The following LRRC20 variants were observed in gnomAD, a reference collection of about 807,000 sequenced individuals.
LRRC20 encodes the protein leucine rich repeat containing 20, also known as leucine-rich repeat-containing protein 20.
In LRRC20, 11 loss-of-function variants were observed where a neutral mutation model predicts 14.4. That is an observed-to-expected ratio of 0.77 (90% CI 0.48 to 1.27). LRRC20 has a LOEUF of 1.27. Among genes scored for constraint, LRRC20 ranks in the 50% most tolerant of loss-of-function variants. The pLI, the probability that LRRC20 is intolerant of heterozygous loss-of-function variation, is 0.00. For missense variants in LRRC20, 219 were observed against 251.2 expected (o/e 0.87, Z 0.87); for synonymous variants, 121 against 107.3 (o/e 1.13, Z -0.79).
chr10:70,336,068 T>C (rs971902291), intron 3 of LRRC20, among the ~76,000 whole-genome samples: 1 of 152,108 alleles, frequency 6.6e-6, no homozygotes, highest in Non-Finnish European at 1.5e-5. Context: ...CCACGTCCAG[T>C]TCTCAGTTTT....
chr10:70,301,086 G>A lies in LRRC20; in HGVS notation c.*268C>T, dbSNP rs907452729. 7.9e-7 allele frequency: 1 copy of A among 1,262,782 alleles called. No homozygotes were observed. Among genetic ancestry groups the A allele is most frequent in the African/African-American group, 1.5e-5 (1 of 65,182 alleles). The allele number at this position is 1,262,782 out of a possible 1,614,324, so 78.2% of individuals were successfully genotyped here. A position where few individuals can be genotyped will look rare whatever the true frequency, so the allele number is the denominator to read the frequency against. ...TGTTTTTTTCAAGTGACAAGGCTCA[G>A]AGAGGGCAGGAGATCTGCCTGAGTT... On this transcript the variant is annotated 3_prime_UTR_variant, in exon 5 of 5. Transcript: ENST00000446961.
chr10:70,302,486 G>C (rs1267422738), intron 4 of LRRC20, among the ~76,000 whole-genome samples: 1 of 152,204 alleles, frequency 6.6e-6, no homozygotes, highest in East Asian at 1.9e-4. Flanking sequence ...TTGCTTAATA[G>C]CTACAGTTTC....
chr10:70,366,069 CAA>C (rs67374739), intron 2 of LRRC20, among the ~76,000 whole-genome samples: 10,531 of 128,720 alleles, frequency 0.082, 499 homozygotes, highest in Middle Eastern at 0.21. Context: ...GACTCCAGCT[CAA>C]AAAAAAAAAA....
intron 2 of LRRC20, among the ~76,000 whole-genome samples, chr10:70,370,245 G>C (rs75626593): frequency 0.037 from 5,572 of 152,218 alleles, 157 homozygotes; most frequent in East Asian, 0.053. Flanking sequence ...AACAGAAGAC[G>C]TGCTTCTAGG....
In LRRC20 at chr10:70,300,412, G is replaced by A. The variant is rs1841126266; in HGVS notation, c.*942C>T. 4.1e-6 allele frequency: 4 copies of A among 985,416 alleles called. No individual in the cohort carries two copies. The highest frequency in any genetic ancestry group is 4.8e-6 in the Non-Finnish European group (4 of 830,032). 61.0% of individuals were successfully genotyped at this position (985,416 alleles called of 1,614,324 possible). The stretch of plus-strand genomic sequence containing the variant: ...CCAGGTCATCAGGGCTTTGGGCGTT[G>A]GCCTGGGAGCTGGCTGGCTACAAAT... On this transcript the variant is annotated 3_prime_UTR_variant, in exon 5 of 5. Coordinates refer to ENST00000446961, the MANE Select transcript of LRRC20 (RefSeq NM_001278212.2).
chr10:70,365,353 C>G (rs572008159), intron 2 of LRRC20, among the ~76,000 whole-genome samples: 2 of 152,134 alleles, frequency 1.3e-5, no homozygotes, highest in Non-Finnish European at 2.9e-5. Flanking sequence ...CCACCGCGCC[C>G]GGCGAGATTC....
At chr10:70,308,348 C>A (rs1299216531) in intron 4 of LRRC20, among the ~76,000 whole-genome samples, 1 of 152,108 alleles carries the variant, frequency 6.6e-6, no homozygotes, top group South Asian at 2.1e-4. Context: ...AGGCTGACAC[C>A]GAGACGGAGA....
intron 3 of LRRC20, among the ~76,000 whole-genome samples, chr10:70,338,685 T>C (rs57825727): frequency 3.3e-5 from 5 of 152,264 alleles, no homozygotes; most frequent in African/African-American, 7.2e-5. Context: ...TTTTGAGACA[T>C]AGTCTTGCTC....
intron 1 of LRRC20, among the ~76,000 whole-genome samples, chr10:70,378,900 C>T (rs1218334374): frequency 6.6e-6 from 1 of 151,494 alleles, no homozygotes; most frequent in African/African-American, 2.4e-5. Context: ...GAGCCGAGAT[C>T]GTCCCATTGC....
intron 4 of LRRC20, among the ~76,000 whole-genome samples, chr10:70,318,362 A>G (rs538244750): frequency 6.6e-6 from 1 of 152,320 alleles, no homozygotes; most frequent in Non-Finnish European, 1.5e-5. Context: ...CCACACTTTG[A>G]GAAATATCGG....
chr10:70,315,262 C>T (rs1841812305), intron 4 of LRRC20, among the ~76,000 whole-genome samples: 1 of 152,148 alleles, frequency 6.6e-6, no homozygotes, highest in South Asian at 2.1e-4. Context: ...TGCAGCTCAG[C>T]TCCAGCACAA....
chr10:70,356,167 C>G (rs1843509125), intron 2 of LRRC20, among the ~76,000 whole-genome samples: 1 of 152,230 alleles, frequency 6.6e-6, no homozygotes, highest in African/African-American at 2.4e-5. Context: ...AGTTACTTAA[C>G]TCCAATCTCA....
chr10:70,350,806 A>C, intron 2 of LRRC20, among the ~76,000 whole-genome samples: 1 of 151,976 alleles, frequency 6.6e-6, no homozygotes, highest in East Asian at 1.9e-4. Context: ...AGTGTGACCC[A>C]CTCCCACTGA....
intron 4 of LRRC20, among the ~76,000 whole-genome samples, chr10:70,312,760 G>A (rs565113259): frequency 6.6e-6 from 1 of 152,162 alleles, no homozygotes; most frequent in Non-Finnish European, 1.5e-5. Flanking sequence ...CTTTAAGACC[G>A]TCCTTCCACC....
intron 2 of LRRC20, among the ~76,000 whole-genome samples, chr10:70,359,124 A>G (rs1843628886): frequency 6.6e-6 from 1 of 152,156 alleles, no homozygotes; most frequent in Non-Finnish European, 1.5e-5. Flanking sequence ...TAGCTCTGTG[A>G]TCCTGGAATC....
chr10:70,350,009 C>T (rs1412975388), intron 2 of LRRC20, among the ~76,000 whole-genome samples: 1 of 152,232 alleles, frequency 6.6e-6, no homozygotes, highest in African/African-American at 2.4e-5. Flanking sequence ...GAGCAAAGGA[C>T]TGTCACCCCT....
chr10:70,337,079 C>T (rs1464445894), intron 3 of LRRC20, among the ~76,000 whole-genome samples: 2 of 152,184 alleles, frequency 1.3e-5, no homozygotes, highest in African/African-American at 4.8e-5. Context: ...CTGCCAGGGC[C>T]TTGGGCCTTG....
At chr10:70,304,496 A>T (rs1319175670) in intron 4 of LRRC20, among the ~76,000 whole-genome samples, 1 of 106,814 alleles carries the variant, frequency 9.4e-6, no homozygotes. Context: ...ATATATATAT[A>T]TATATATATA....
At chr10:70,378,773 CAAAAAAAAAA>C (rs58126984) in intron 1 of LRRC20, among the ~76,000 whole-genome samples, 1 of 67,456 alleles carries the variant, frequency 1.5e-5, no homozygotes, top group African/African-American at 5.9e-5. Context: ...ACCTCGCGCT[CAAAAAAAAAA>C]AAAAAAAAAA....
Sources: allele counts gnomAD v4.1 joint callset (sites outside exome capture counted in the v4.1 genomes callset), GRCh38; gene constraint gnomAD v4.1.1; transcripts MANE v1.5; gene names NCBI Gene and HGNC (gene_info 2026-07-23, HGNC 2026-07-21).